PHAX: variants seen among roughly 807,000 people sequenced by gnomAD.
PHAX encodes phosphorylated adapter RNA export protein.
Under a neutral mutation model 41.6 loss-of-function variants are expected in PHAX, and 31 were observed. The ratio of observed to expected loss-of-function variants is 0.75; its 90% CI spans 0.56 to 1.01. The LOEUF is 1.01. Among genes scored for constraint, PHAX ranks in the 50% least tolerant of loss-of-function variants. PHAX has a pLI of 0.00. For missense variants in PHAX, 453 were observed against 472.9 expected (o/e 0.96, Z 0.39); for synonymous variants, 175 against 164.9 (o/e 1.06, Z -0.47).
Position 126,617,251 on chromosome 5 carries a change from A to G in PHAX, c.833A>G (p.Asn278Ser). The G allele has an allele frequency of 6.2e-7, 1 of 1,603,054 alleles. No homozygotes were observed. The highest frequency in any genetic ancestry group is 8.5e-7 in the Non-Finnish European group (1 of 1,171,002). ...TACCTTTTCTGTTCCTTTTTGTAGA[A>G]TGGTAGTCGAAGAAGAACACCAGGT... ...VEQNGGLFIM[N>S]GSRRRTPGGV... is the part of the protein sequence containing the mutation. The change falls in exon 4 of 5, where the codon AAT becomes AGT. Residue 278 changes from asparagine (N) to serine (S), a missense_variant and splice_region_variant. Asn to Ser is a conservative substitution (Grantham distance 46). Coordinates refer to ENST00000297540, the MANE Select transcript of PHAX (RefSeq NM_032177.4).
intron 4 of PHAX, among the ~76,000 whole-genome samples, chr5:126,619,075 C>T (rs1752231918): frequency 6.6e-6 from 1 of 152,100 alleles, no homozygotes; most frequent in Admixed American, 6.6e-5. Flanking sequence ...AACAGACATG[C>T]ACCACTATGG....
intron 3 of PHAX, among the ~76,000 whole-genome samples, chr5:126,613,928 A>G (rs1752145626): frequency 6.6e-6 from 1 of 152,028 alleles, no homozygotes; most frequent in African/African-American, 2.4e-5. Context: ...GGCTTAAGCC[A>G]CAATGCCCAG....
intron 3 of PHAX, among the ~76,000 whole-genome samples, chr5:126,612,664 GGA>G (rs1752121132): frequency 6.6e-6 from 1 of 152,096 alleles, no homozygotes; most frequent in Non-Finnish European, 1.5e-5. Flanking sequence ...TTGCGCCATT[GGA>G]CTCCAGCCTG....
intron 2 of PHAX, among the ~76,000 whole-genome samples, chr5:126,606,419 A>G (rs1319216144): frequency 6.6e-6 from 1 of 151,916 alleles, no homozygotes; most frequent in African/African-American, 2.4e-5. Context: ...CTGGTCTCGA[A>G]CTCCAGACCA....
At chr5:126,604,537 T>C (rs1751960733) in intron 2 of PHAX, among the ~76,000 whole-genome samples, 3 of 152,006 alleles carry the variant, frequency 2.0e-5, no homozygotes, top group African/African-American at 7.2e-5. Context: ...AGTGCTGAGA[T>C]TACAGGCGTG....
intron 3 of PHAX, among the ~76,000 whole-genome samples, chr5:126,615,120 T>TA (rs937851934): frequency 6.6e-6 from 1 of 151,726 alleles, no homozygotes; most frequent in African/African-American, 2.4e-5. Flanking sequence ...TTTTTTTTTT[T>TA]AACTTAATTT....
intron 2 of PHAX, among the ~76,000 whole-genome samples, chr5:126,606,186 GTTT>G (rs2112829942): frequency 6.6e-6 from 1 of 151,430 alleles, no homozygotes; most frequent in South Asian, 2.1e-4. Context: ...TGTGTGGTTT[GTTT>G]TTTTGATTGT....
At position 126,625,159 on chromosome 5, in the gene PHAX, T is replaced by C. The variant is rs559585084; in HGVS notation, c.*315T>C. 1.5e-4 allele frequency: 36 copies of C among 235,146 alleles called. No individual in the cohort carries two copies. Among genetic ancestry groups the C allele is most frequent in the African/African-American group, 7.5e-4 (33 of 44,290 alleles). The allele number at this position is 235,146 out of a possible 1,614,324, so 14.6% of individuals were successfully genotyped here. On this transcript the variant is annotated 3_prime_UTR_variant, in exon 5 of 5. Transcript: ENST00000297540. ...ACCATTTGTAAGTTTGTTTGCTTTT[T>C]CAGGTTTATCTTTGCAGTGAATTAT...
At chr5:126,610,686 G>A (rs189451496) in intron 3 of PHAX, among the ~76,000 whole-genome samples, 113 of 152,242 alleles carry the variant, frequency 7.4e-4, no homozygotes, top group Middle Eastern at 3.4e-3. Context: ...TTGGGAAGAT[G>A]CAAGTTCAAA....
chr5:126,614,491 A>G (rs975463840), intron 3 of PHAX, among the ~76,000 whole-genome samples: 8 of 152,122 alleles, frequency 5.3e-5, no homozygotes, highest in African/African-American at 1.9e-4. Flanking sequence ...ATGGTAAAAC[A>G]AGAAAGAGTA....
In PHAX at chr5:126,626,998, TC is replaced by T. The variant is rs1479864387; in HGVS notation, c.*2156del. 3 of 152,192 alleles carry T rather than the reference TC, an allele frequency of 2.0e-5. No homozygotes were observed. In the East Asian group the frequency reaches 5.8e-4, roughly 29 times the overall value. The allele number at this position is 152,192 out of a possible 1,614,324, so 9.4% of individuals were successfully genotyped here. On this transcript the variant is annotated 3_prime_UTR_variant, in exon 5 of 5. Transcript: ENST00000297540. ...GAAGAAAATAAGGTAGTTTAGACAT[TC>T]CAAGAGTTAACTATAGTTTACAAAA...
At chr5:126,608,866 A>C (rs550668594) in intron 3 of PHAX, among the ~76,000 whole-genome samples, 5 of 151,458 alleles carry the variant, frequency 3.3e-5, no homozygotes, top group African/African-American at 7.3e-5. Context: ...AACCTGAGAG[A>C]CCAGAGGTTT....
At chr5:126,614,765 T>G (rs1320745580) in intron 3 of PHAX, among the ~76,000 whole-genome samples, 1 of 151,902 alleles carries the variant, frequency 6.6e-6, no homozygotes, top group African/African-American at 2.4e-5. Context: ...CAACACCCAT[T>G]ATTTTTTTTG....
chr5:126,612,674 C>T (rs1752121483), intron 3 of PHAX, among the ~76,000 whole-genome samples: 1 of 152,070 alleles, frequency 6.6e-6, no homozygotes, highest in African/African-American at 2.4e-5. Context: ...GGACTCCAGC[C>T]TGGGCAACAA....
chr5:126,602,428 A>G (rs1206607689), intron 1 of PHAX, among the ~76,000 whole-genome samples: 3 of 152,226 alleles, frequency 2.0e-5, no homozygotes, highest in African/African-American at 7.2e-5. Context: ...GGCATGATGT[A>G]CCACTGATAG....
At chr5:126,624,262 G>A (rs772541026) in intron 4 of PHAX, among the ~76,000 whole-genome samples, 2 of 151,962 alleles carry the variant, frequency 1.3e-5, no homozygotes, top group Non-Finnish European at 2.9e-5. Context: ...ACCCACCTCC[G>A]CCTCCCAAAG....
At chr5:126,617,454 A>G (rs1752203219) in intron 4 of PHAX, 121 bp downstream of exon 4, 2 of 558,280 alleles carry the variant, frequency 3.6e-6, no homozygotes, top group Admixed American at 3.6e-5. Flanking sequence ...TTTTGTTATT[A>G]TCTTAAGTAA....
Position 126,604,080 on chromosome 5 carries a change from G to A in PHAX, c.607G>A (p.Val203Ile), listed in dbSNP as rs1402169827. The change falls in exon 2 of 5, where the codon GTC becomes ATC. Residue 203 changes from valine (V) to isoleucine (I), a missense_variant. Physicochemically the swap from Val to Ile is conservative, Grantham distance 29 (BLOSUM62 3). Transcript: ENST00000297540. ...GQGHLKRKRP[V>I]KDRLGNRPEM... ...AGGTCATCTCAAAAGGAAACGACCT[G>A]TCAAAGACAGGCTAGGGAACAGACC... is the stretch of plus-strand genomic sequence containing the variant. 22 of 1,613,638 alleles carry A rather than the reference G, an allele frequency of 1.4e-5. No homozygotes were observed. In the Admixed American group the frequency reaches 3.5e-4, roughly 26 times the overall value.
chr5:126,602,342 G>T (rs1466960827), intron 1 of PHAX, among the ~76,000 whole-genome samples: 1 of 152,270 alleles, frequency 6.6e-6, no homozygotes, highest in Admixed American at 6.5e-5. Flanking sequence ...CCTGTGTTCA[G>T]ATCCTGGGGC....
Sources: gnomAD v4.1 joint callset for allele counts (sites outside exome capture counted in the v4.1 genomes callset) on GRCh38, gnomAD v4.1.1 for gene constraint, MANE v1.5 for transcripts, NCBI Gene and HGNC (gene_info 2026-07-23, HGNC 2026-07-21) for gene names.